The following DNAI4 variants were observed in gnomAD, a reference collection of about 807,000 sequenced individuals.
DNAI4 encodes the protein WD repeat domain 78.
In DNAI4, 85 loss-of-function variants were observed where a neutral mutation model predicts 105.8. That is an observed-to-expected ratio of 0.80 (90% CI 0.67 to 0.96). The LOEUF (loss-of-function observed/expected upper bound fraction) is 0.96. Among genes scored for constraint, DNAI4 ranks in the 40% least tolerant of loss-of-function variants. The pLI, the probability that DNAI4 is intolerant of heterozygous loss-of-function variation, is 0.00. For synonymous variants in DNAI4, 352 were observed against 331.5 expected, an observed-to-expected ratio of 1.06 and a Z score of -0.67; for missense variants, 1,014 against 1,005.6, an observed-to-expected ratio of 1.01 and a Z score of -0.11.
rs114758727 is a variant in DNAI4, at chr1:66,869,335, G to A, written c.940+2035C>T. ...TCTTGGGGAGTGTTGATAATTTTGA[G>A]TTCCATAAAGAATCATTCTTTTTTT... is the stretch of plus-strand genomic sequence containing the variant. On this transcript the variant is annotated intron_variant, in intron 6 of 16. Transcript: ENST00000371026. Among the ~76,000 whole-genome samples the A allele has an allele frequency of 4.3e-3, 653 of 151,762 alleles. 2 individuals are homozygous for A. The highest frequency in any genetic ancestry group is 0.015 in the African/African-American group (604 of 41,422).
intron 13 of DNAI4, among the ~76,000 whole-genome samples, chr1:66,829,961 A>G (rs1280711914): frequency 6.6e-6 from 1 of 152,210 alleles, no homozygotes; most frequent in Non-Finnish European, 1.5e-5. Context: ...ATGCTTCTAA[A>G]TAACCCACCC....
chr1:66,887,419 A>G (rs948187223), intron 4 of DNAI4, among the ~76,000 whole-genome samples: 2 of 152,160 alleles, frequency 1.3e-5, no homozygotes, highest in Non-Finnish European at 2.9e-5. Flanking sequence ...AACTCTCTAC[A>G]TGTAAGAACA....
chr1:66,816,707 T>C (rs1402700352), intron 16 of DNAI4, among the ~76,000 whole-genome samples: 1 of 144,782 alleles, frequency 6.9e-6, no homozygotes, highest in Non-Finnish European at 1.5e-5. Flanking sequence ...TTAAGAAAAT[T>C]ATTCTTACCA....
At chr1:66,912,378 A>C (rs1649724225) in intron 1 of DNAI4, among the ~76,000 whole-genome samples, 1 of 151,884 alleles carries the variant, frequency 6.6e-6, no homozygotes, top group South Asian at 2.1e-4. Flanking sequence ...CTGAGGCAGG[A>C]GAATCGCTTG....
intron 8 of DNAI4, 61 bp from the exon 9 acceptor site, chr1:66,840,732 C>G: frequency 6.5e-7 from 1 of 1,544,044 alleles, no homozygotes. Flanking sequence ...CTGCCAAAGG[C>G]TCCAAACAGC....
At chr1:66,867,853 T>C (rs573206747) in intron 6 of DNAI4, among the ~76,000 whole-genome samples, 1 of 152,338 alleles carries the variant, frequency 6.6e-6, no homozygotes, top group Non-Finnish European at 1.5e-5. Flanking sequence ...GAAGAGTTAC[T>C]GTGATAAGTG....
chr1:66,898,546 A>G (rs1324116415), intron 2 of DNAI4, among the ~76,000 whole-genome samples: 1 of 152,162 alleles, frequency 6.6e-6, no homozygotes, highest in Admixed American at 6.5e-5. Context: ...GGGGTCTGTT[A>G]TAAAAGTCAG....
At chr1:66,854,213 G>A (rs1160704241) in intron 7 of DNAI4, among the ~76,000 whole-genome samples, 1 of 152,120 alleles carries the variant, frequency 6.6e-6, no homozygotes, top group Non-Finnish European at 1.5e-5. Context: ...GCAACATAGT[G>A]AGACCTCATG....
At chr1:66,835,472 C>T (rs1645964263) in intron 11 of DNAI4, among the ~76,000 whole-genome samples, 154 bp downstream of exon 11, 1 of 152,106 alleles carries the variant, frequency 6.6e-6, no homozygotes, top group Non-Finnish European at 1.5e-5. Context: ...ACCATTCCAG[C>T]TGGAGAGACA....
chr1:66,821,690 A>T (rs1353283202), intron 16 of DNAI4, among the ~76,000 whole-genome samples: 1 of 151,880 alleles, frequency 6.6e-6, no homozygotes, highest in Admixed American at 6.6e-5. Context: ...CCATTTTTTT[A>T]TTTAAGTCTT....
chr1:66,924,618 G>C, intron 1 of DNAI4, 44 bp downstream of exon 1: 1 of 1,613,910 alleles, frequency 6.2e-7, no homozygotes, highest in East Asian at 2.2e-5. Flanking sequence ...GGCTCCCTCC[G>C]GGTCCCAGGG....
intron 6 of DNAI4, among the ~76,000 whole-genome samples, chr1:66,865,942 A>C (rs1355566712): frequency 1.3e-5 from 2 of 152,208 alleles, no homozygotes; most frequent in African/African-American, 4.8e-5. Flanking sequence ...TCACTTATGG[A>C]AAGGTGGCAT....
intron 8 of DNAI4, among the ~76,000 whole-genome samples, chr1:66,841,931 T>C (rs1012815666): frequency 6.6e-6 from 1 of 152,262 alleles, no homozygotes; most frequent in Non-Finnish European, 1.5e-5. Context: ...TCTGCCATTG[T>C]AGTACCATAT....
chr1:66,900,941 A>C (rs1204912603), intron 2 of DNAI4, among the ~76,000 whole-genome samples: 1 of 152,214 alleles, frequency 6.6e-6, no homozygotes, highest in Non-Finnish European at 1.5e-5. Flanking sequence ...TTGAATAGCA[A>C]TGCAAGGACT....
At chr1:66,866,947 A>C (rs923849784) in intron 6 of DNAI4, among the ~76,000 whole-genome samples, 3 of 152,228 alleles carry the variant, frequency 2.0e-5, no homozygotes, top group Non-Finnish European at 4.4e-5. Flanking sequence ...TATGTCTTGC[A>C]TGGCAGCAGG....
intron 7 of DNAI4, among the ~76,000 whole-genome samples, chr1:66,859,516 T>C (rs534799520): frequency 6.6e-6 from 1 of 152,330 alleles, no homozygotes; most frequent in East Asian, 1.9e-4. Flanking sequence ...ATAACCGTTT[T>C]ATTCGAAATT....
chr1:66,910,569 TA>T (rs982143894), intron 1 of DNAI4, among the ~76,000 whole-genome samples: 157 of 152,356 alleles, frequency 1.0e-3, no homozygotes, highest in African/African-American at 3.5e-3. Context: ...CCACCTGCCC[TA>T]ATCACTCCAT....
At chr1:66,911,774 G>A (rs1649674883) in intron 1 of DNAI4, among the ~76,000 whole-genome samples, 2 of 152,192 alleles carry the variant, frequency 1.3e-5, no homozygotes, top group African/African-American at 4.8e-5. Flanking sequence ...AAGGAGTCAA[G>A]CTGAGAAATG....
intron 8 of DNAI4, among the ~76,000 whole-genome samples, chr1:66,843,846 G>A (rs1030044301): frequency 6.6e-6 from 1 of 151,938 alleles, no homozygotes; most frequent in Non-Finnish European, 1.5e-5. Flanking sequence ...TCTCTATTCT[G>A]TTCTATTCTA....
Sources: gnomAD v4.1 joint callset for allele counts (sites outside exome capture counted in the v4.1 genomes callset) on GRCh38, gnomAD v4.1.1 for gene constraint, MANE v1.5 for transcripts, NCBI Gene and HGNC (gene_info 2026-07-23, HGNC 2026-07-21) for gene names.